The following DAB1 variants were observed in gnomAD, a reference collection of about 807,000 sequenced individuals.
DAB1 encodes the protein disabled homolog 1.
In DAB1, 15 loss-of-function variants were observed where a neutral mutation model predicts 64.6. That is an observed-to-expected ratio of 0.23 (90% confidence interval 0.16 to 0.36). The LOEUF (loss-of-function observed/expected upper bound fraction) is 0.36. DAB1 is among the 10% of genes least tolerant of loss of function. DAB1 has a pLI of 1.00. For missense variants in DAB1, 596 were observed against 706.7 expected (o/e 0.84, Z 1.78); for synonymous variants, 235 against 251.9 (o/e 0.93, Z 0.64).
chr1:57,293,814 C>G (rs1672977249), intron 1 of DAB1, among the ~76,000 whole-genome samples: 1 of 152,082 alleles, frequency 6.6e-6, no homozygotes, highest in Non-Finnish European at 1.5e-5. Context: ...GGGCCATTTT[C>G]TCTTCTTCAA....
intron 7 of DAB1, among the ~76,000 whole-genome samples, chr1:57,647,284 C>T (rs544205808): frequency 4.6e-5 from 7 of 152,148 alleles, no homozygotes; most frequent in East Asian, 1.9e-4. Context: ...GCCTCCACTA[C>T]CTTCAGCAAT....
At chr1:57,390,980 T>G (rs1325587176) in intron 1 of DAB1, among the ~76,000 whole-genome samples, 2 of 152,196 alleles carry the variant, frequency 1.3e-5, no homozygotes, top group Non-Finnish European at 2.9e-5. Flanking sequence ...TTCCCACAAA[T>G]AGTTTAAGTT....
At chr1:57,236,672 C>A (rs1277012534) in intron 2 of DAB1, among the ~76,000 whole-genome samples, 1 of 152,146 alleles carries the variant, frequency 6.6e-6, no homozygotes, top group Admixed American at 6.5e-5. Context: ...GCAGAGGAAG[C>A]CAACAACTGA....
chr1:57,841,224 G>T (rs759135337), intron 1 of DAB1, among the ~76,000 whole-genome samples: 1 of 152,226 alleles, frequency 6.6e-6, no homozygotes, highest in Non-Finnish European at 1.5e-5. Context: ...GATGCAAGAA[G>T]TAGGTTCCCA....
intron 6 of DAB1, among the ~76,000 whole-genome samples, chr1:57,810,358 G>A (rs1179388803): frequency 6.6e-6 from 1 of 152,162 alleles, no homozygotes; most frequent in East Asian, 1.9e-4. Flanking sequence ...TTTCTATAGA[G>A]GGGACACAGG....
chr1:57,939,380 G>A (rs926743170), intron 5 of DAB1, among the ~76,000 whole-genome samples: 7 of 152,150 alleles, frequency 4.6e-5, no homozygotes, highest in African/African-American at 1.7e-4. Context: ...TTCCTTTCCA[G>A]TGAATGTCCC....
chr1:58,399,636 G>A (rs1356132118), intron 3 of DAB1, among the ~76,000 whole-genome samples: 1 of 152,230 alleles, frequency 6.6e-6, no homozygotes, highest in African/African-American at 2.4e-5. Context: ...CCACTCCGAA[G>A]TGAGGTGGTC....
intron 7 of DAB1, among the ~76,000 whole-genome samples, chr1:57,620,053 C>A (rs537956932): frequency 6.6e-6 from 1 of 152,322 alleles, no homozygotes; most frequent in East Asian, 1.9e-4. Context: ...TACTTCGTTA[C>A]TATCTGCCTG....
chr1:58,416,460 A>AAG (rs1644722280), intron 3 of DAB1, among the ~76,000 whole-genome samples: 1 of 152,190 alleles, frequency 6.6e-6, no homozygotes, highest in Non-Finnish European at 1.5e-5. Flanking sequence ...GGATGTGATA[A>AAG]AGGTGTGGTA....
At chr1:57,973,502 A>T (rs114928866) in intron 5 of DAB1, among the ~76,000 whole-genome samples, 2 of 152,230 alleles carry the variant, frequency 1.3e-5, no homozygotes, top group African/African-American at 4.8e-5. Flanking sequence ...ATACATGTAC[A>T]TTACATAGAC....
At chr1:57,184,447 G>A (rs994920379) in intron 2 of DAB1, among the ~76,000 whole-genome samples, 2 of 152,064 alleles carry the variant, frequency 1.3e-5, no homozygotes, top group African/African-American at 4.8e-5. Flanking sequence ...CTACTCCCGT[G>A]CCAACCCTGT....
At chr1:57,959,904 TG>T (rs1645477484) in intron 5 of DAB1, among the ~76,000 whole-genome samples, 1 of 152,218 alleles carries the variant, frequency 6.6e-6, no homozygotes, top group Non-Finnish European at 1.5e-5. Flanking sequence ...TTATTAATTG[TG>T]GCTTCTTTAT....
intron 4 of DAB1, among the ~76,000 whole-genome samples, chr1:58,246,749 G>T (rs1660552848): frequency 1.3e-5 from 2 of 152,064 alleles, no homozygotes. Flanking sequence ...GCATGTGGGG[G>T]GTGTTTGTAT....
At chr1:58,109,007 T>C (rs1263311239) in intron 5 of DAB1, among the ~76,000 whole-genome samples, 1 of 152,188 alleles carries the variant, frequency 6.6e-6, no homozygotes, top group Non-Finnish European at 1.5e-5. Context: ...GTACCTGAAA[T>C]ACCTTCAAGT....
intron 1 of DAB1, among the ~76,000 whole-genome samples, chr1:57,416,559 A>G (rs539564972): frequency 6.6e-6 from 1 of 152,324 alleles, no homozygotes; most frequent in South Asian, 2.1e-4. Flanking sequence ...ATTTTAAGAG[A>G]TGTCAATAAA....
intron 7 of DAB1, among the ~76,000 whole-genome samples, chr1:57,628,114 G>A (rs1005148664): frequency 2.6e-5 from 4 of 152,200 alleles, no homozygotes; most frequent in Non-Finnish European, 5.9e-5. Flanking sequence ...ACTGAGTCCT[G>A]ACTCTGCCTC....
intron 1 of DAB1, among the ~76,000 whole-genome samples, chr1:57,399,832 T>C (rs904987650): frequency 6.6e-6 from 1 of 152,196 alleles, no homozygotes; most frequent in African/African-American, 2.4e-5. Flanking sequence ...CCATAAATAG[T>C]CCAATGAATT....
chr1:57,717,725 T>G (rs2101753667), intron 6 of DAB1, among the ~76,000 whole-genome samples: 1 of 152,204 alleles, frequency 6.6e-6, no homozygotes, highest in East Asian at 1.9e-4. Context: ...TAAATATACA[T>G]ATTTATGTAT....
chr1:58,147,442 T>C (rs1654666495), intron 5 of DAB1, among the ~76,000 whole-genome samples: 1 of 146,838 alleles, frequency 6.8e-6, no homozygotes. Context: ...CATAGTGAAA[T>C]CCCCTCTCTA....
Sources: gnomAD v4.1 joint callset for allele counts (sites outside exome capture counted in the v4.1 genomes callset) on GRCh38, gnomAD v4.1.1 for gene constraint, MANE v1.5 for transcripts, NCBI Gene and HGNC (gene_info 2026-07-23, HGNC 2026-07-21) for gene names.